TTLL8: variants seen among roughly 807,000 people sequenced by gnomAD.
TTLL8 encodes the protein protein monoglycylase TTLL8.
In TTLL8, 65 loss-of-function variants were observed where a neutral mutation model predicts 77.8. The ratio of observed to expected loss-of-function variants is 0.84; its 90% CI spans 0.68 to 1.03. The LOEUF (loss-of-function observed/expected upper bound fraction) is 1.03. Ranked by LOEUF, TTLL8 falls within the 50% of genes least tolerant of loss-of-function variation. The pLI is 0.00. For missense variants in TTLL8, 910 were observed against 1,004.5 expected (o/e 0.91, Z 1.27); for synonymous variants, 402 against 422.8 (o/e 0.95, Z 0.60).
At chr22:50,051,222 T>A (rs1032801011) in intron 1 of TTLL8, among the ~76,000 whole-genome samples, 10 of 152,216 alleles carry the variant, frequency 6.6e-5, no homozygotes, top group African/African-American at 2.4e-4. Context: ...CTCCAAACTC[T>A]ATCTTATCAT....
intron 3 of TTLL8, among the ~76,000 whole-genome samples, chr22:50,048,667 TCAAATCTGGGCC>T (rs1480066903): frequency 4.6e-5 from 7 of 152,348 alleles, no homozygotes; most frequent in African/African-American, 1.7e-4. Context: ...AGGCGCCTCA[TCAAATCTGGGCC>T]CATTTTTCTA....
chr22:50,045,287 T>A, exon 6 of TTLL8: 1 of 1,361,128 alleles, frequency 7.3e-7, no homozygotes, highest in Non-Finnish European at 9.8e-7. Context: ...GCTCCCGGCC[T>A]CCTCCCTCTG....
intron 9 of TTLL8, among the ~76,000 whole-genome samples, chr22:50,033,691 A>C (rs1010925414): frequency 1.3e-5 from 2 of 152,216 alleles, no homozygotes; most frequent in African/African-American, 2.4e-5. Flanking sequence ...CTGAGACCCC[A>C]GAGGGGACAC....
chr22:50,032,048 G>A, exon 11 of TTLL8: 1 of 1,366,162 alleles, frequency 7.3e-7, no homozygotes, highest in Non-Finnish European at 9.8e-7. Flanking sequence ...GGCAGCAGGG[G>A]GCTGCGGCCC....
At chr22:50,030,368 A>AG (rs2061278050) in intron 12 of TTLL8, 62 bp downstream of exon 13, 1 of 1,225,608 alleles carries the variant, frequency 8.2e-7, no homozygotes, top group East Asian at 6.2e-5. Flanking sequence ...GCTGCTGGCG[A>AG]GGGTTGGGGA....
chr22:50,027,807 C>T (rs1229931336), intron 12 of TTLL8: 3 of 985,356 alleles, frequency 3.0e-6, no homozygotes, highest in South Asian at 4.7e-5. Context: ...GCACATGGAG[C>T]TGGCCTGAGC....
chr22:50,033,222 G>A (rs1400224277), exon 10 of TTLL8: 1 of 1,353,588 alleles, frequency 7.4e-7, no homozygotes, highest in East Asian at 4.7e-5. Flanking sequence ...TGTCCAGGGA[G>A]AAGCGCTGAG....
At chr22:50,030,402 A>G (rs1341736429) in intron 12 of TTLL8, 28 bp downstream of exon 13, 1 of 1,293,790 alleles carries the variant, frequency 7.7e-7, no homozygotes, top group Non-Finnish European at 1.0e-6. Flanking sequence ...CCCCAAGCCC[A>G]CAGCGCACCG....
chr22:50,054,847 C>T (rs2061462612), upstream of TTLL8, among the ~76,000 whole-genome samples: 1 of 152,192 alleles, frequency 6.6e-6, no homozygotes, highest in Non-Finnish European at 1.5e-5. Flanking sequence ...CACCTGAGGT[C>T]AGGAGTTCGA....
chr22:50,033,776 T>C (rs997910809), intron 9 of TTLL8, among the ~76,000 whole-genome samples: 1 of 152,234 alleles, frequency 6.6e-6, no homozygotes, highest in Non-Finnish European at 1.5e-5. Flanking sequence ...GGCTTATGCC[T>C]GTAATCCCAG....
intron 1 of TTLL8, among the ~76,000 whole-genome samples, chr22:50,053,086 G>C (rs529358152): frequency 2.2e-4 from 33 of 152,234 alleles, no homozygotes; most frequent in Non-Finnish European, 8.8e-5. Flanking sequence ...GCCGAGCATG[G>C]TGGTGCACAC....
intron 6 of TTLL8, among the ~76,000 whole-genome samples, chr22:50,042,920 C>T (rs1020936719): frequency 1.3e-5 from 2 of 152,228 alleles, no homozygotes; most frequent in African/African-American, 2.4e-5. Flanking sequence ...CTTTGGAAGA[C>T]AGTCTGGCAG....
rs1016383243 is a variant in TTLL8 at position 50,044,317 on chromosome 22, CAA to C, written c.643+936_643+937del. The stretch of plus-strand genomic sequence containing the variant: ...TGGGTGACAGAGCAAGACTCCATCT[CAA>C]AAAAAAAAAAACATTAATTAGGAGG... On this transcript the variant is annotated intron_variant, in intron 6 of 13. Coordinates refer to ENST00000266182, the Ensembl canonical transcript of TTLL8. This position sits in a 1 kb window ranked among gnomAD's most constrained non-coding sequence, Gnocchi z 4.2. Among the ~76,000 whole-genome samples, 1 of 131,778 alleles carries C rather than the reference CAA, an allele frequency of 7.6e-6. No individual in the cohort carries two copies. Among genetic ancestry groups the C allele is most frequent in the Non-Finnish European group, 1.6e-5 (1 of 60,762 alleles). The allele number at this position is 131,778 out of a possible 152,430, so 86.5% of individuals were successfully genotyped here. A position where few individuals can be genotyped will look rare whatever the true frequency, so the allele number is the denominator to read the frequency against.
intron 12 of TTLL8, among the ~76,000 whole-genome samples, chr22:50,028,363 G>A (rs2061244592): frequency 6.6e-6 from 1 of 152,226 alleles, no homozygotes; most frequent in Non-Finnish European, 1.5e-5. Context: ...ACCACGTGGG[G>A]ACTGGGGAGT....
At chr22:50,052,979 T>C (rs1220800507) in intron 1 of TTLL8, among the ~76,000 whole-genome samples, 2 of 152,174 alleles carry the variant, frequency 1.3e-5, no homozygotes, top group Non-Finnish European at 2.9e-5. Flanking sequence ...CCCAGCACTG[T>C]GGGAGGCCGA....
At chr22:50,051,399 G>A (rs566010626) in intron 1 of TTLL8, among the ~76,000 whole-genome samples, 1 of 152,334 alleles carries the variant, frequency 6.6e-6, no homozygotes, top group East Asian at 1.9e-4. Context: ...GTATTCCGTG[G>A]TGCAGATACA....
At chr22:50,047,537 G>A (rs985730245) in intron 3 of TTLL8, among the ~76,000 whole-genome samples, 1 of 152,204 alleles carries the variant, frequency 6.6e-6, no homozygotes, top group African/African-American at 2.4e-5. Flanking sequence ...CCGATGTGGG[G>A]CTGCAGGTGG....
intron 6 of TTLL8, among the ~76,000 whole-genome samples, chr22:50,043,866 G>C (rs758471812): frequency 2.0e-5 from 3 of 152,122 alleles, no homozygotes; most frequent in African/African-American, 4.8e-5. Flanking sequence ...GCTCGGGGGC[G>C]GGGGGATGAA....
chr22:50,048,840 G>T (rs1247088875), intron 3 of TTLL8, among the ~76,000 whole-genome samples: 2 of 152,234 alleles, frequency 1.3e-5, no homozygotes, highest in Non-Finnish European at 2.9e-5. Flanking sequence ...GGACTAGGCT[G>T]GGCTGGGGAG....
Sources: allele counts gnomAD v4.1 joint callset (sites outside exome capture counted in the v4.1 genomes callset), GRCh38; gene constraint gnomAD v4.1.1; non-coding constraint Gnocchi (gnomAD v3.1); transcripts MANE v1.5; gene names NCBI Gene and HGNC (gene_info 2026-07-23, HGNC 2026-07-21).